ZFHX3: variants seen among roughly 807,000 people sequenced by gnomAD.
The protein encoded by ZFHX3 is zinc finger homeobox protein 3.
Under a neutral mutation model 279.1 loss-of-function variants are expected in ZFHX3, and 42 were observed. The observed-to-expected ratio is 0.15, with a 90% confidence interval of 0.12 to 0.19. ZFHX3 has a LOEUF of 0.19. Ranked by LOEUF, ZFHX3 falls within the 10% of genes least tolerant of loss-of-function variation. The pLI, the probability that ZFHX3 is intolerant of heterozygous loss-of-function variation, is 1.00. For missense variants in ZFHX3, 4,981 were observed against 4,754.0 expected (o/e 1.05, Z -1.40); for synonymous variants, 2,293 against 1,957.8 (o/e 1.17, Z -4.52).
intron 1 of ZFHX3, among the ~76,000 whole-genome samples, chr16:72,969,198 T>G (rs913454163): frequency 2.0e-5 from 3 of 152,106 alleles, no homozygotes; most frequent in Admixed American, 2.0e-4. Flanking sequence ...TATGTGAAAT[T>G]TGCTCCCAGC....
chr16:73,614,759 CCTT>C (rs772643299), intron 2 of ZFHX3, among the ~76,000 whole-genome samples: 58 of 151,782 alleles, frequency 3.8e-4, no homozygotes, highest in Admixed American at 6.6e-4. Flanking sequence ...ATAACTTTTT[CCTT>C]CTTCTTCTTT....
chr16:73,730,352 C>CAAAAAAAAAAAAA (rs66477968), intron 1 of ZFHX3, among the ~76,000 whole-genome samples: 2 of 81,168 alleles, frequency 2.5e-5, no homozygotes, highest in Non-Finnish European at 2.3e-5. Context: ...CCTCCCCTCG[C>CAAAAAAAAAAAAA]AAAAAAAAAA....
intron 1 of ZFHX3, among the ~76,000 whole-genome samples, chr16:73,766,933 C>CTT (rs3050427): frequency 2.3e-5 from 3 of 129,248 alleles, no homozygotes; most frequent in African/African-American, 3.0e-5. Context: ...TTTGCCATTA[C>CTT]TTTTTTTTTT....
At chr16:73,005,381 G>C (rs937820348) in intron 1 of ZFHX3, among the ~76,000 whole-genome samples, 1 of 152,172 alleles carries the variant, frequency 6.6e-6, no homozygotes, top group African/African-American at 2.4e-5. Flanking sequence ...TGTAGCCCCA[G>C]TTACTTGAGA....
chr16:73,813,484 A>G (rs1960480199), intron 1 of ZFHX3, among the ~76,000 whole-genome samples: 2 of 152,114 alleles, frequency 1.3e-5, no homozygotes, highest in South Asian at 4.1e-4. Flanking sequence ...ACTTTTCTGT[A>G]AGTCCATTTC....
chr16:73,039,018 TC>T (rs1396699962), intron 1 of ZFHX3, among the ~76,000 whole-genome samples: 1 of 151,500 alleles, frequency 6.6e-6, no homozygotes, highest in Non-Finnish European at 1.5e-5. Context: ...AAGGCTGGCC[TC>T]GAACCCCTGG....
chr16:73,657,709 G>GT (rs2052737124), intron 2 of ZFHX3, among the ~76,000 whole-genome samples: 1 of 152,036 alleles, frequency 6.6e-6, no homozygotes, highest in African/African-American at 2.4e-5. Context: ...ATGACACGTG[G>GT]TCTTTTTTGC....
chr16:73,662,600 C>A (rs2052797055), intron 2 of ZFHX3, among the ~76,000 whole-genome samples: 1 of 152,100 alleles, frequency 6.6e-6, no homozygotes, highest in Non-Finnish European at 1.5e-5. Flanking sequence ...ATAAGTAATT[C>A]AAGAGGCTGA....
chr16:73,354,694 G>GCGA (rs143623232), intron 3 of ZFHX3, among the ~76,000 whole-genome samples: 30,127 of 152,068 alleles, frequency 0.2, 3,815 homozygotes, highest in African/African-American at 0.37. Context: ...GCCAGAGACA[G>GCGA]CGACCTCATC....
At chr16:72,867,761 G>A (rs1423871877) in intron 4 of ZFHX3, among the ~76,000 whole-genome samples, 1 of 151,886 alleles carries the variant, frequency 6.6e-6, no homozygotes, top group Non-Finnish European at 1.5e-5. Context: ...GATGCTGTCT[G>A]TGCCCAGGCA....
At chr16:73,263,465 A>G (rs1323331732) in intron 4 of ZFHX3, among the ~76,000 whole-genome samples, 1 of 152,236 alleles carries the variant, frequency 6.6e-6, no homozygotes, top group Non-Finnish European at 1.5e-5. Context: ...TTGGGATTAC[A>G]GGCGTAAGCC....
At chr16:73,317,012 C>G (rs908566449) in intron 4 of ZFHX3, among the ~76,000 whole-genome samples, 1 of 152,130 alleles carries the variant, frequency 6.6e-6, no homozygotes. Context: ...AACTTGGAGA[C>G]TAGCCAGGCC....
intron 4 of ZFHX3, among the ~76,000 whole-genome samples, chr16:73,278,397 C>T (rs554550028): frequency 1.9e-4 from 29 of 152,260 alleles, no homozygotes; most frequent in African/African-American, 5.8e-4. Context: ...TGTAATGTGT[C>T]TGGAGTTGGT....
At chr16:73,147,950 T>C (rs1235389555) in intron 5 of ZFHX3, among the ~76,000 whole-genome samples, 1 of 152,168 alleles carries the variant, frequency 6.6e-6, no homozygotes, top group Non-Finnish European at 1.5e-5. Flanking sequence ...GGATAATATA[T>C]CTTCTCTTTG....
At chr16:72,893,409 C>T (rs574605650) in intron 3 of ZFHX3, among the ~76,000 whole-genome samples, 17 of 152,112 alleles carry the variant, frequency 1.1e-4, no homozygotes, top group African/African-American at 3.9e-4. Context: ...ATCTCTGAGC[C>T]ACAAGAGAGG....
chr16:73,706,772 T>A (rs1219116091), intron 1 of ZFHX3, among the ~76,000 whole-genome samples: 1 of 152,136 alleles, frequency 6.6e-6, no homozygotes, highest in African/African-American at 2.4e-5. Flanking sequence ...CTATGCCAAT[T>A]TTTCAGTGTA....
intron 3 of ZFHX3, among the ~76,000 whole-genome samples, chr16:73,331,808 T>C (rs1362103471): frequency 6.6e-6 from 1 of 152,190 alleles, no homozygotes; most frequent in Non-Finnish European, 1.5e-5. Flanking sequence ...AGAGATGACA[T>C]TTCTCTTCAA....
At chr16:73,479,073 C>G (rs977927394) in intron 2 of ZFHX3, among the ~76,000 whole-genome samples, 1 of 151,972 alleles carries the variant, frequency 6.6e-6, no homozygotes, top group African/African-American at 2.4e-5. Flanking sequence ...AAAACAAAAC[C>G]AGACTCACCC....
In ZFHX3 at chr16:73,787,217, G is replaced by A. The variant is rs1475060508; in HGVS notation, c.-1608+104434C>T. Among the ~76,000 whole-genome samples the A allele has an allele frequency of 2.6e-5, 4 of 152,080 alleles. No homozygotes were observed. The East Asian group carries it at 7.7e-4, about 29-fold the overall frequency. ...AAAGCATTTCCATCCTATCATTGGG[G>A]TGTTTCCTCTCTGGAATGCTAACAA... On this transcript the variant is annotated intron_variant, in intron 1 of 17. Coordinates refer to the ZFHX3 transcript ENST00000641206.
Sources: allele counts gnomAD v4.1 joint callset (sites outside exome capture counted in the v4.1 genomes callset), GRCh38; gene constraint gnomAD v4.1.1; transcripts MANE v1.5; gene names NCBI Gene and HGNC (gene_info 2026-07-23, HGNC 2026-07-21).